Variants in PRKG1 observed in about 807,000 individuals in gnomAD.
PRKG1 encodes the protein cGMP-dependent protein kinase 1.
Under a neutral mutation model 88.1 loss-of-function variants are expected in PRKG1, and 35 were observed. The ratio of observed to expected loss-of-function variants is 0.40; its 90% CI spans 0.30 to 0.53. The LOEUF (loss-of-function observed/expected upper bound fraction) is 0.53. Ranked by LOEUF, PRKG1 falls within the 20% of genes least tolerant of loss-of-function variation. The pLI, the probability that PRKG1 is intolerant of heterozygous loss-of-function variation, is 0.59. For synonymous variants in PRKG1, 303 were observed against 292.5 expected (o/e 1.04, Z -0.37); for missense variants, 540 against 839.8 (o/e 0.64, Z 4.41).
intron 3 of PRKG1, among the ~76,000 whole-genome samples, chr10:51,551,536 G>A (rs1326702197): frequency 6.6e-6 from 1 of 151,728 alleles, no homozygotes; most frequent in Non-Finnish European, 1.5e-5. Context: ...ATATGTGTTT[G>A]TATGAATGAG....
In PRKG1 at chr10:52,294,439, G is replaced by A. The variant is rs1842338220; in HGVS notation, c.*539G>A. 1 of 152,400 alleles carries A rather than the reference G, an allele frequency of 6.6e-6. No homozygotes were observed. 9.4% of individuals were successfully genotyped at this position (152,400 alleles called of 1,614,324 possible). A position where few individuals can be genotyped will look rare whatever the true frequency, so the allele number is the denominator to read the frequency against. ...AGTTCATGTCACACCAGTGCTAGAA[G>A]TTTCATGATTTTATTTCCCAGCAGT... On this transcript the variant is annotated 3_prime_UTR_variant, in exon 18 of 18. Coordinates refer to ENST00000373980, the MANE Select transcript of PRKG1 (RefSeq NM_006258.4).
At position 51,803,993 on chromosome 10, in the gene PRKG1, G is replaced by C. The variant is rs145566694; in HGVS notation, c.593-592G>C. 2.9e-3 allele frequency among the ~76,000 whole-genome samples: 442 copies of C among 152,180 alleles called. 2 individuals carry two copies. Among genetic ancestry groups the C allele is most frequent in the African/African-American group, 8.5e-3 (355 of 41,524 alleles). ...TTGTCAAAGATAGTGGTGCATAAGA[G>C]AATAAATTAAAATTCAACAAACATG... is the stretch of plus-strand genomic sequence containing the variant. On this transcript the variant is annotated intron_variant, in intron 3 of 17. Coordinates refer to ENST00000373980, the MANE Select transcript of PRKG1 (RefSeq NM_006258.4).
At chr10:52,051,692 C>G (rs1845990226) in intron 5 of PRKG1, among the ~76,000 whole-genome samples, 1 of 152,204 alleles carries the variant, frequency 6.6e-6, no homozygotes, top group African/African-American at 2.4e-5. Flanking sequence ...GAATTACCTG[C>G]CCTGTCACAG....
intron 7 of PRKG1, among the ~76,000 whole-genome samples, chr10:52,076,342 A>G (rs919112323): frequency 1.3e-5 from 2 of 152,228 alleles, no homozygotes; most frequent in African/African-American, 4.8e-5. Context: ...CAATCACTGG[A>G]GGTCAGGAGT....
chr10:52,236,346 A>G (rs1840685883), intron 9 of PRKG1, among the ~76,000 whole-genome samples: 1 of 75,390 alleles, frequency 1.3e-5, no homozygotes, highest in African/African-American at 5.9e-5. Flanking sequence ...TAGAGACACA[A>G]AAAACCCTTC....
intron 4 of PRKG1, among the ~76,000 whole-genome samples, chr10:51,857,944 G>A (rs1468632317): frequency 1.3e-5 from 2 of 149,376 alleles, no homozygotes; most frequent in African/African-American, 2.5e-5. Flanking sequence ...TAAAATGTAT[G>A]GATGCTATTA....
intron 5 of PRKG1, among the ~76,000 whole-genome samples, chr10:51,966,742 T>C (rs1390520608): frequency 6.6e-6 from 1 of 152,190 alleles, no homozygotes; most frequent in Admixed American, 6.6e-5. Flanking sequence ...CGCCCTGGTG[T>C]GCCACTTTCA....
intron 3 of PRKG1, among the ~76,000 whole-genome samples, chr10:51,552,732 G>C (rs1213220384): frequency 6.6e-6 from 1 of 151,502 alleles, no homozygotes; most frequent in African/African-American, 2.4e-5. Context: ...TGTAATCCAG[G>C]CTGTTGTGAA....
At chr10:51,739,178 A>G (rs950518911) in intron 3 of PRKG1, among the ~76,000 whole-genome samples, 18 of 152,204 alleles carry the variant, frequency 1.2e-4, no homozygotes, top group African/African-American at 3.9e-4. Context: ...ATTGCCATGC[A>G]TCCTAAATTT....
At chr10:51,167,482 T>G (rs2339732) in intron 2 of PRKG1, among the ~76,000 whole-genome samples, 70,410 of 151,892 alleles carry the variant, frequency 0.46, 16,322 homozygotes, top group African/African-American at 0.53. Flanking sequence ...GGAGTTTAAG[T>G]TGAGATGAGA....
chr10:51,962,961 G>A (rs954527048), intron 5 of PRKG1, among the ~76,000 whole-genome samples: 4 of 152,206 alleles, frequency 2.6e-5, no homozygotes, highest in African/African-American at 7.2e-5. Context: ...AACAGAAGCT[G>A]AGAAATCTTT....
At chr10:51,813,203 GC>G (rs1839500879) in intron 4 of PRKG1, among the ~76,000 whole-genome samples, 1 of 152,034 alleles carries the variant, frequency 6.6e-6, no homozygotes, top group Admixed American at 6.5e-5. Context: ...AAAGTAATAA[GC>G]CATTAGCAAA....
chr10:51,537,979 C>T (rs551974062), intron 3 of PRKG1, among the ~76,000 whole-genome samples: 26 of 152,244 alleles, frequency 1.7e-4, no homozygotes, highest in African/African-American at 5.8e-4. Flanking sequence ...TAAAAATATT[C>T]TGCTTTAATG....
At chr10:51,046,128 C>A (rs1395809455) in intron 1 of PRKG1, among the ~76,000 whole-genome samples, 1 of 152,232 alleles carries the variant, frequency 6.6e-6, no homozygotes, top group African/African-American at 2.4e-5. Context: ...CATGTGAAAA[C>A]TTCTTCCAGT....
chr10:50,993,127 T>C (rs549147072), intron 1 of PRKG1, among the ~76,000 whole-genome samples: 2 of 152,240 alleles, frequency 1.3e-5, no homozygotes, highest in Admixed American at 1.3e-4. Flanking sequence ...CTCTTGTGTA[T>C]TGATTATATG....
At chr10:51,919,914 A>T (rs1232201138) in intron 5 of PRKG1, among the ~76,000 whole-genome samples, 2 of 152,206 alleles carry the variant, frequency 1.3e-5, no homozygotes, top group Non-Finnish European at 2.9e-5. Flanking sequence ...TATTAAATAA[A>T]CAATAAATAT....
chr10:51,904,577 A>T (rs1842046452), intron 4 of PRKG1, among the ~76,000 whole-genome samples: 4 of 152,204 alleles, frequency 2.6e-5, no homozygotes, highest in South Asian at 2.1e-4. Flanking sequence ...AATTGTAAAG[A>T]TGGCTAGAAA....
At chr10:51,381,256 TAAAAAAAAAAAAAAAAAAAAAAA>T (rs71029366) in intron 2 of PRKG1, among the ~76,000 whole-genome samples, 445 of 32,050 alleles carry the variant, frequency 0.014, 5 homozygotes, top group Admixed American at 0.024. Flanking sequence ...GCCTCCATCT[TAAAAAAAAAAAAAAAAAAAAAAA>T]AAAAAAAAAA....
intron 3 of PRKG1, among the ~76,000 whole-genome samples, chr10:51,556,324 A>T (rs898836659): frequency 6.6e-6 from 1 of 152,086 alleles, no homozygotes; most frequent in African/African-American, 2.4e-5. Flanking sequence ...TATATGATAT[A>T]AACTTCCACA....
Sources: gnomAD v4.1 joint callset for allele counts (sites outside exome capture counted in the v4.1 genomes callset) on GRCh38, gnomAD v4.1.1 for gene constraint, MANE v1.5 for transcripts, NCBI Gene and HGNC (gene_info 2026-07-23, HGNC 2026-07-21) for gene names.